The following CNTNAP2 variants were observed in gnomAD, a reference collection of about 807,000 sequenced individuals.
CNTNAP2 encodes the protein contactin-associated protein-like 2.
Under a neutral mutation model 155.2 loss-of-function variants are expected in CNTNAP2, and 98 were observed. The ratio of observed to expected loss-of-function variants is 0.63; its 90% CI spans 0.54 to 0.75. The LOEUF (loss-of-function observed/expected upper bound fraction) is 0.75, where lower values mean the gene tolerates loss of function less well. Among genes scored for constraint, CNTNAP2 ranks in the 30% least tolerant of loss-of-function variants. The pLI is 0.00. For missense variants in CNTNAP2, 1,727 were observed against 1,688.1 expected (o/e 1.02, Z -0.40); for synonymous variants, 651 against 631.2 (o/e 1.03, Z -0.47).
intron 3 of CNTNAP2, among the ~76,000 whole-genome samples, chr7:146,864,884 C>A (rs1229742455): frequency 6.6e-6 from 1 of 151,008 alleles, no homozygotes; most frequent in Non-Finnish European, 1.5e-5. Flanking sequence ...TCAAGTGGTC[C>A]CAGCTCAAGA....
chr7:146,270,073 A>T (rs1024905733), intron 1 of CNTNAP2, among the ~76,000 whole-genome samples: 1 of 152,060 alleles, frequency 6.6e-6, no homozygotes, highest in African/African-American at 2.4e-5. Context: ...TCTTATTGGG[A>T]CCATTTCAAG....
At chr7:146,870,940 G>A (rs754777020) in intron 3 of CNTNAP2, among the ~76,000 whole-genome samples, 58 of 152,190 alleles carry the variant, frequency 3.8e-4, no homozygotes, top group Admixed American at 6.5e-4. Context: ...TAGCTATATT[G>A]TTTATTCAGT....
intron 13 of CNTNAP2, among the ~76,000 whole-genome samples, chr7:147,753,487 A>T (rs562545556): frequency 2.9e-4 from 44 of 152,348 alleles, no homozygotes; most frequent in African/African-American, 9.9e-4. Context: ...ATTATGATGG[A>T]TGCAATTAAA....
intron 10 of CNTNAP2, among the ~76,000 whole-genome samples, chr7:147,431,664 T>C (rs954784928): frequency 6.6e-6 from 1 of 152,206 alleles, no homozygotes; most frequent in African/African-American, 2.4e-5. Context: ...AATAGACTTT[T>C]CAGTCCTCTC....
intron 9 of CNTNAP2, among the ~76,000 whole-genome samples, chr7:147,377,862 GTTA>G (rs1453988480): frequency 6.6e-6 from 1 of 151,800 alleles, no homozygotes; most frequent in Admixed American, 6.6e-5. Flanking sequence ...GTAATGTGCT[GTTA>G]TAGCATGCTG....
chr7:146,619,494 T>TCAATCTATA (rs1339440551), intron 1 of CNTNAP2, among the ~76,000 whole-genome samples: 1 of 152,188 alleles, frequency 6.6e-6, no homozygotes, highest in Non-Finnish European at 1.5e-5. Flanking sequence ...AGTAGTCTAT[T>TCAATCTATA]CAATCATTAA....
At chr7:146,269,210 C>T (rs1308542987) in intron 1 of CNTNAP2, among the ~76,000 whole-genome samples, 2 of 152,060 alleles carry the variant, frequency 1.3e-5, no homozygotes, top group African/African-American at 2.4e-5. Context: ...CACGGTGGCA[C>T]GCGCCTGTGG....
At chr7:147,817,235 T>C (rs988379218) in intron 13 of CNTNAP2, among the ~76,000 whole-genome samples, 13 of 152,184 alleles carry the variant, frequency 8.5e-5, no homozygotes, top group Non-Finnish European at 7.3e-5. Flanking sequence ...TTGGGAGATT[T>C]ACCAAATACA....
chr7:147,243,297 G>A (rs1803984761), intron 8 of CNTNAP2, among the ~76,000 whole-genome samples: 1 of 151,320 alleles, frequency 6.6e-6, no homozygotes, highest in Non-Finnish European at 1.5e-5. Flanking sequence ...CACCCGGCCT[G>A]CTTTGCTTTT....
At chr7:146,358,610 G>T (rs1188660948) in intron 1 of CNTNAP2, among the ~76,000 whole-genome samples, 1 of 152,140 alleles carries the variant, frequency 6.6e-6, no homozygotes, top group African/African-American at 2.4e-5. Context: ...GTATTAATAT[G>T]TATAGAATTT....
chr7:146,777,166 C>T (rs1248489558), intron 2 of CNTNAP2, among the ~76,000 whole-genome samples: 1 of 152,104 alleles, frequency 6.6e-6, no homozygotes, highest in Admixed American at 6.5e-5. Context: ...GAAATTATCA[C>T]GTTGGGAAAG....
At chr7:148,187,805 T>C (rs1795144039) in intron 18 of CNTNAP2, among the ~76,000 whole-genome samples, 1 of 152,180 alleles carries the variant, frequency 6.6e-6, no homozygotes, top group African/African-American at 2.4e-5. Flanking sequence ...ATAAAATATT[T>C]ATCCTCTAGG....
intron 14 of CNTNAP2, among the ~76,000 whole-genome samples, chr7:147,939,711 A>G (rs967014228): frequency 4.6e-5 from 7 of 152,192 alleles, no homozygotes; most frequent in African/African-American, 1.7e-4. Flanking sequence ...TGCATTGTCA[A>G]GAATGACGAA....
intron 3 of CNTNAP2, among the ~76,000 whole-genome samples, chr7:147,014,640 C>T (rs1798686970): frequency 6.6e-6 from 1 of 152,116 alleles, no homozygotes; most frequent in Non-Finnish European, 1.5e-5. Flanking sequence ...CCAACACCTC[C>T]CACCCAACAA....
chr7:146,995,129 T>C (rs1441204697), intron 3 of CNTNAP2, among the ~76,000 whole-genome samples: 2 of 152,094 alleles, frequency 1.3e-5, no homozygotes, highest in African/African-American at 4.8e-5. Flanking sequence ...AAACATACTG[T>C]CCTCCAGATT....
rs1801392632 is a variant in CNTNAP2, at chr7:147,132,346, C to A, written c.1185C>A (p.Phe395Leu). The change falls in exon 8 of 24, where the codon TTC becomes TTA. Residue 395 changes from phenylalanine to leucine, a missense_variant. Coordinates refer to ENST00000361727, the MANE Select transcript of CNTNAP2 (RefSeq NM_014141.6). ...CCGGACGGCTTAACCAGGACCTGTT[C>A]TCAGTCAGTTTCCAGTTTAGGACAT... ...EVPGRLNQDL[F>L]SVSFQFRTWN... The A allele has an allele frequency of 6.2e-7, 1 of 1,613,600 alleles. No individual in the cohort carries two copies. Among genetic ancestry groups the A allele is most frequent in the Non-Finnish European group, 8.5e-7 (1 of 1,179,818 alleles).
At chr7:147,440,435 A>G (rs1797618351) in intron 10 of CNTNAP2, among the ~76,000 whole-genome samples, 2 of 152,110 alleles carry the variant, frequency 1.3e-5, no homozygotes, top group African/African-American at 4.8e-5. Context: ...TATGTCTTCA[A>G]AAGTAGTTGT....
At chr7:147,073,074 G>C (rs1050978215) in intron 4 of CNTNAP2, among the ~76,000 whole-genome samples, 2 of 148,556 alleles carry the variant, frequency 1.3e-5, no homozygotes, top group African/African-American at 2.5e-5. Context: ...GGATGGTCTC[G>C]ATCTCCTGAC....
chr7:147,329,823 A>G (rs2252657), intron 9 of CNTNAP2, among the ~76,000 whole-genome samples: 85,546 of 151,524 alleles, frequency 0.56, 24,461 homozygotes, highest in African/African-American at 0.63. Flanking sequence ...GTCCTTTGTC[A>G]CGGTGCACTT....
Sources: allele counts gnomAD v4.1 joint callset (sites outside exome capture counted in the v4.1 genomes callset), GRCh38; gene constraint gnomAD v4.1.1; transcripts MANE v1.5; gene names NCBI Gene and HGNC (gene_info 2026-07-23, HGNC 2026-07-21).